Variants in CHCHD6 observed in about 807,000 individuals in gnomAD.
CHCHD6 encodes the protein MICOS complex subunit MIC25.
Under a neutral mutation model 32.3 loss-of-function variants are expected in CHCHD6, and 28 were observed. The observed-to-expected ratio is 0.87, with a 90% CI of 0.64 to 1.19. The LOEUF is 1.19. Ranked by LOEUF, CHCHD6 falls within the 50% of genes most tolerant of loss-of-function variation. The pLI is 0.00. For missense variants in CHCHD6, 333 were observed against 307.0 expected (o/e 1.08, Z -0.63); for synonymous variants, 122 against 117.5 (o/e 1.04, Z -0.25).
At chr3:126,917,725 A>G (rs540680983) in intron 6 of CHCHD6, among the ~76,000 whole-genome samples, 1 of 152,282 alleles carries the variant, frequency 6.6e-6, no homozygotes, top group South Asian at 2.1e-4. Flanking sequence ...GGCCTTTGCA[A>G]GGTGATTAGA....
intron 6 of CHCHD6, among the ~76,000 whole-genome samples, chr3:126,928,327 A>G (rs2078354175): frequency 6.6e-6 from 1 of 152,268 alleles, no homozygotes. Flanking sequence ...GATTGTTTTC[A>G]GGATCTGATA....
At chr3:126,795,558 A>T (rs1938752869) in intron 4 of CHCHD6, among the ~76,000 whole-genome samples, 1 of 152,174 alleles carries the variant, frequency 6.6e-6, no homozygotes, top group Admixed American at 6.5e-5. Flanking sequence ...ATTCTTGAAG[A>T]TCCAACTCAA....
intron 4 of CHCHD6, among the ~76,000 whole-genome samples, chr3:126,819,227 CAGT>C (rs1345104362): frequency 2.0e-5 from 3 of 152,136 alleles, no homozygotes; most frequent in African/African-American, 7.2e-5. Flanking sequence ...GGGGCAGGCA[CAGT>C]AGGCCTGAAT....
intron 4 of CHCHD6, among the ~76,000 whole-genome samples, chr3:126,807,319 A>G (rs73201796): frequency 0.093 from 14,099 of 152,186 alleles, 843 homozygotes; most frequent in Middle Eastern, 0.21. Flanking sequence ...TTTTTTCTTA[A>G]GTTAAATCCA....
At chr3:126,858,690 C>A (rs148739097) in intron 5 of CHCHD6, among the ~76,000 whole-genome samples, 1 of 152,210 alleles carries the variant, frequency 6.6e-6, no homozygotes, top group East Asian at 1.9e-4. Flanking sequence ...AGCCAGAATG[C>A]GGCAGGCCCA....
At chr3:126,780,887 G>A (rs1284094945) in intron 4 of CHCHD6, among the ~76,000 whole-genome samples, 1 of 152,192 alleles carries the variant, frequency 6.6e-6, no homozygotes, top group Admixed American at 6.5e-5. Context: ...CTGTGTCTGA[G>A]CAGATGGTGG....
At chr3:126,730,426 T>C (rs1935739182) in intron 2 of CHCHD6, 135 bp from the exon 3 acceptor site, 1 of 693,274 alleles carries the variant, frequency 1.4e-6, no homozygotes, top group African/African-American at 1.8e-5. Flanking sequence ...GACGCTCCTT[T>C]GTGGGGACAC....
At chr3:126,896,286 TTCTC>T (rs1402744104) in intron 5 of CHCHD6, among the ~76,000 whole-genome samples, 3 of 152,206 alleles carry the variant, frequency 2.0e-5, no homozygotes, top group African/African-American at 7.2e-5. Context: ...AGGGCATATG[TTCTC>T]TCTCCTCTGC....
At chr3:126,882,322 G>A (rs1329521795) in intron 5 of CHCHD6, among the ~76,000 whole-genome samples, 1 of 152,188 alleles carries the variant, frequency 6.6e-6, no homozygotes, top group African/African-American at 2.4e-5. Context: ...GCATGGAGAT[G>A]CCTACCTTGG....
chr3:126,790,035 C>T (rs1027323290), intron 4 of CHCHD6, among the ~76,000 whole-genome samples: 21 of 152,052 alleles, frequency 1.4e-4, no homozygotes, highest in Admixed American at 1.1e-3. Context: ...GACAAAATCT[C>T]TCAGCATTTG....
At chr3:126,874,294 T>G (rs1182931802) in intron 5 of CHCHD6, among the ~76,000 whole-genome samples, 1 of 152,184 alleles carries the variant, frequency 6.6e-6, no homozygotes, top group Admixed American at 6.5e-5. Context: ...CATGGTAAAG[T>G]AGAACCTGAA....
intron 6 of CHCHD6, among the ~76,000 whole-genome samples, chr3:126,937,647 G>A (rs1338486042): frequency 1.3e-5 from 2 of 152,206 alleles, no homozygotes; most frequent in Non-Finnish European, 2.9e-5. Flanking sequence ...CTCACTGCCT[G>A]TTCACGGGCT....
At position 126,721,810 on chromosome 3, in the gene CHCHD6, T is replaced by C. The variant is rs1228216385; in HGVS notation, c.88-5268T>C. ...CAAGGCAGTCACGAATCTACTTTTG[T>C]GTCTAGAGATTTGCCTGTTGTGGAA... is the stretch of plus-strand genomic sequence containing the variant. On this transcript the variant is annotated intron_variant, in intron 1 of 7. Coordinates refer to ENST00000290913, the MANE Select transcript of CHCHD6 (RefSeq NM_032343.3). 6.0e-5 allele frequency among the ~76,000 whole-genome samples: 9 copies of C among 148,944 alleles called. No individual in the cohort carries two copies. In the East Asian group the frequency reaches 1.7e-3, roughly 27 times the overall value.
intron 4 of CHCHD6, among the ~76,000 whole-genome samples, chr3:126,841,969 C>T (rs1941102302): frequency 6.6e-6 from 1 of 151,924 alleles, no homozygotes; most frequent in African/African-American, 2.4e-5. Flanking sequence ...TTAATCTAGT[C>T]CAGGCGTAAT....
At chr3:126,753,499 G>A (rs754069165) in intron 4 of CHCHD6, among the ~76,000 whole-genome samples, 12 of 152,212 alleles carry the variant, frequency 7.9e-5, no homozygotes, top group Non-Finnish European at 1.5e-4. Context: ...CGGCCTTGGG[G>A]TGGAGTTCTC....
intron 5 of CHCHD6, among the ~76,000 whole-genome samples, chr3:126,899,117 G>A (rs2077883891): frequency 6.6e-6 from 1 of 152,206 alleles, no homozygotes; most frequent in African/African-American, 2.4e-5. Context: ...CAGGTTTACT[G>A]TAACTGCCTT....
chr3:126,742,429 C>T (rs1936323764), intron 4 of CHCHD6, among the ~76,000 whole-genome samples: 1 of 152,150 alleles, frequency 6.6e-6, no homozygotes, highest in African/African-American at 2.4e-5. Context: ...GTTCTTGTTT[C>T]CTGTCCACTT....
chr3:126,855,012 T>G (rs1162305177), intron 5 of CHCHD6: 1 of 152,252 alleles, frequency 6.6e-6, no homozygotes, highest in African/African-American at 2.4e-5. Flanking sequence ...TGGACCCTTT[T>G]GTCTGCAGTA....
chr3:126,947,527 C>T (rs1235923051), intron 6 of CHCHD6, among the ~76,000 whole-genome samples: 1 of 152,224 alleles, frequency 6.6e-6, no homozygotes, highest in African/African-American at 2.4e-5. Context: ...GAGCACACTC[C>T]ACTCTTCCTA....
Sources: gnomAD v4.1 joint callset for allele counts (sites outside exome capture counted in the v4.1 genomes callset) on GRCh38, gnomAD v4.1.1 for gene constraint, MANE v1.5 for transcripts, NCBI Gene and HGNC (gene_info 2026-07-23, HGNC 2026-07-21) for gene names.